The following DPP8 variants were observed in gnomAD, a reference collection of about 807,000 sequenced individuals.
The protein encoded by DPP8 is dipeptidyl peptidase 8, also known as DPP VIII.
Under a neutral mutation model 107.5 loss-of-function variants are expected in DPP8, and 31 were observed. The ratio of observed to expected loss-of-function variants is 0.29; its 90% CI spans 0.22 to 0.39. DPP8 has a LOEUF of 0.39. Ranked by LOEUF, DPP8 falls within the 10% of genes least tolerant of loss-of-function variation. DPP8 has a pLI of 1.00. For synonymous variants in DPP8, 381 were observed against 356.6 expected (o/e 1.07, Z -0.77); for missense variants, 842 against 1,076.1 (o/e 0.78, Z 3.04).
At chr15:65,449,971 A>G (rs769662576) in intron 19 of DPP8, among the ~76,000 whole-genome samples, 38 of 105,308 alleles carry the variant, frequency 3.6e-4, no homozygotes, top group African/African-American at 4.7e-4. Flanking sequence ...TATTATTATT[A>G]TTATTTTTTT....
chr15:65,482,789 T>A (rs2067046654), intron 8 of DPP8, among the ~76,000 whole-genome samples: 1 of 151,944 alleles, frequency 6.6e-6, no homozygotes, highest in African/African-American at 2.4e-5. Flanking sequence ...AAAACCACAA[T>A]GAGATACCAC....
At chr15:65,467,288 T>G in intron 12 of DPP8, 65 bp from the exon 13 acceptor site, 1 of 1,536,234 alleles carries the variant, frequency 6.5e-7, no homozygotes. Flanking sequence ...AACCCCCAAT[T>G]TTATTTACAA....
At position 65,480,332 on chromosome 15, in the gene DPP8, A is replaced by G. The variant is rs780175648; in HGVS notation, c.1186T>C (p.Phe396Leu). The G allele has an allele frequency of 8.1e-6, 13 of 1,613,322 alleles. No homozygotes were observed. The highest frequency in any genetic ancestry group is 1.1e-5 in the Non-Finnish European group (13 of 1,179,772). Reference sequence around the variant, plus strand: ...ATAACATCATCTTCTACTGGGATAAATAATTCAGGTGAGATCAACACTATC... The same window carrying G: ...ATAACATCATCTTCTACTGGGATAAGTAATTCAGGTGAGATCAACACTATC... ...LQIVLISPEL[F>L]IPVEDDVMER... Residue 396 changes from phenylalanine (F) to leucine (L), a missense_variant, in exon 10 of 20, where the codon TTT (phenylalanine) becomes CTT (leucine). Transcript: ENST00000300141.
At chr15:65,509,232 T>A (rs984853584) in intron 2 of DPP8, among the ~76,000 whole-genome samples, 1 of 152,190 alleles carries the variant, frequency 6.6e-6, no homozygotes. Context: ...TGGTCACCTA[T>A]CAATACCATT....
chr15:65,479,870 AAAAAAG>A (rs2066750141), intron 10 of DPP8, among the ~76,000 whole-genome samples: 1 of 151,522 alleles, frequency 6.6e-6, no homozygotes, highest in African/African-American at 2.4e-5. Flanking sequence ...AAAAAAAAAA[AAAAAAG>A]AATTGGTATA....
intron 14 of DPP8, among the ~76,000 whole-genome samples, chr15:65,465,167 C>CTTTT (rs199937501): frequency 7.8e-6 from 1 of 127,742 alleles, no homozygotes; most frequent in Non-Finnish European, 1.7e-5. Flanking sequence ...TTTGTTTTTT[C>CTTTT]TTTTTTTTTT....
At chr15:65,498,970 A>T (rs1425112227) in intron 4 of DPP8, among the ~76,000 whole-genome samples, 1 of 151,344 alleles carries the variant, frequency 6.6e-6, no homozygotes, top group Non-Finnish European at 1.5e-5. Flanking sequence ...AGGTGGGAGG[A>T]TTGCTTGAGC....
rs768329154 is a variant in DPP8, at chr15:65,497,985, T to C, written c.594A>G (p.Ile198Met). 1 of 1,610,786 alleles carries C rather than the reference T, an allele frequency of 6.2e-7. No homozygotes were observed. Among genetic ancestry groups the C allele is most frequent in the Non-Finnish European group, 8.5e-7 (1 of 1,177,910 alleles). ...PNLVETSCPN[I>M]RMDPKLCPAD... Reference sequence around the variant, plus strand: ...CAGGGCATAATTTTGGATCCATCCGTATGTTGGGACAACTAGTTTCCACTA... The same window carrying C: ...CAGGGCATAATTTTGGATCCATCCGCATGTTGGGACAACTAGTTTCCACTA... The change falls in exon 5 of 20, where the codon ATA (isoleucine) becomes ATG (methionine). Residue 198 changes from isoleucine to methionine, a missense_variant. This residue lies in a region of DPP8 where 663 missense variants were observed against 758.0 expected (regional missense o/e 0.87). Coordinates refer to ENST00000300141, the MANE Select transcript of DPP8 (RefSeq NM_130434.5).
chr15:65,478,783 T>C (rs72739494), intron 11 of DPP8, 97 bp downstream of exon 11: 143,137 of 800,416 alleles, frequency 0.18, 13,879 homozygotes, highest in African/African-American at 0.3. Flanking sequence ...AAGCAAGTAT[T>C]GATGCTTATA....
At chr15:65,500,869 G>GAAT in intron 3 of DPP8, 90 bp from the exon 4 acceptor site, 1 of 566,410 alleles carries the variant, frequency 1.8e-6, no homozygotes, top group Non-Finnish European at 2.9e-6. Context: ...CAACATTATT[G>GAAT]ACTCTTTTTT....
intron 7 of DPP8, 65 bp downstream of exon 7, chr15:65,487,625 C>A: frequency 1.3e-6 from 2 of 1,519,788 alleles, no homozygotes; most frequent in Non-Finnish European, 1.8e-6. Flanking sequence ...CTTTGGATGA[C>A]TACAGAAAGA....
chr15:65,515,670 A>G (rs1217073011), intron 1 of DPP8: 1 of 1,613,934 alleles, frequency 6.2e-7, no homozygotes, highest in Admixed American at 1.7e-5. Context: ...TTTTATTTTC[A>G]TCTGCTCAGA....
intron 1 of DPP8, among the ~76,000 whole-genome samples, chr15:65,513,642 A>G (rs2071081903): frequency 6.6e-6 from 1 of 152,262 alleles, no homozygotes; most frequent in African/African-American, 2.4e-5. Context: ...TTGATACAGA[A>G]AGCATTTAAT....
intron 17 of DPP8, 81 bp downstream of exon 17, chr15:65,454,182 A>G: frequency 8.4e-7 from 1 of 1,185,828 alleles, no homozygotes; most frequent in South Asian, 2.2e-5. Flanking sequence ...AACCTTCAGA[A>G]AATAGACATT....
At chr15:65,482,208 A>C (rs2066995563) in intron 8 of DPP8, among the ~76,000 whole-genome samples, 1 of 150,976 alleles carries the variant, frequency 6.6e-6, no homozygotes. Context: ...AATTAAATAA[A>C]ATATTAATTT....
Position 65,517,673 on chromosome 15 carries a change from G to A in DPP8, c.-199C>T, listed in dbSNP as rs543691825. ...GGCAGTAGCAGCGGCCTTGGCCTCG[G>A]AGGCTTTAGCACTTCCGGTTCGTTG... On this transcript the variant is annotated 5_prime_UTR_variant, in exon 1 of 20. Transcript: ENST00000300141. 2 of 152,542 alleles carry A rather than the reference G, an allele frequency of 1.3e-5. No homozygotes were observed. Among genetic ancestry groups the A allele is most frequent in the Admixed American group, 1.3e-4 (2 of 15,312 alleles). 9.4% of individuals were successfully genotyped at this position (152,542 alleles called of 1,614,324 possible).
In DPP8 at chr15:65,442,809, G is replaced by C. The variant is rs1341993717; in HGVS notation, c.*4075C>G. ...CTTGCACTAACATCTCTATATTTGA[G>C]GCTGGAAGATGGCTAGGTGAGGCTG... On this transcript the variant is annotated 3_prime_UTR_variant, in exon 20 of 20. Transcript: ENST00000300141. 6.6e-6 allele frequency: 1 copy of C among 152,160 alleles called. No homozygotes were observed. Among genetic ancestry groups the C allele is most frequent in the African/African-American group, 2.4e-5 (1 of 41,422 alleles). The allele number at this position is 152,160 out of a possible 1,614,324, so 9.4% of individuals were successfully genotyped here. A position where few individuals can be genotyped will look rare whatever the true frequency, so the allele number is the denominator to read the frequency against.
chr15:65,481,575 T>G lies in DPP8; in HGVS notation c.1058A>C (p.Glu353Ala). 1 of 1,590,174 alleles carries G rather than the reference T, an allele frequency of 6.3e-7. No homozygotes were observed. The highest frequency in any genetic ancestry group is 8.5e-7 in the Non-Finnish European group (1 of 1,170,436). The stretch of plus-strand genomic sequence containing the variant: ...ATATTCAACTCCTTCAAATAGAATC[T>G]CAAAAGGTTGAATTAGTTCCTTATC... ...VIDKELIQPF[E>A]ILFEGVEYIA... The change falls in exon 9 of 20, where the codon GAG becomes GCG. Residue 353 changes from glutamate (E) to alanine (A), a missense_variant. By Grantham distance (107) the Glu-to-Ala change is moderately radical. Around this residue, in one of 2 missense-constraint regions of DPP8, gnomAD observed 663 missense variants for 758.0 expected, o/e 0.87. Coordinates refer to ENST00000300141, the MANE Select transcript of DPP8 (RefSeq NM_130434.5).
chr15:65,489,573 C>T (rs2067802405), intron 6 of DPP8, among the ~76,000 whole-genome samples: 2 of 126,264 alleles, frequency 1.6e-5, no homozygotes, highest in Admixed American at 1.8e-4. Flanking sequence ...CCCACCATGC[C>T]CAGCTAATTT....
Sources: allele counts gnomAD v4.1 joint callset (sites outside exome capture counted in the v4.1 genomes callset), GRCh38; gene constraint gnomAD v4.1.1; regional missense constraint gnomAD v4.1.1; transcripts MANE v1.5; gene names NCBI Gene and HGNC (gene_info 2026-07-23, HGNC 2026-07-21).